GOLIM4: variants seen among roughly 807,000 people sequenced by gnomAD.
GOLIM4 encodes the protein golgi integral membrane protein 4.
GOLIM4 carries 71 observed loss-of-function variants against 107.4 expected under a neutral mutation model. That is an observed-to-expected ratio of 0.66 (90% confidence interval 0.55 to 0.81). GOLIM4 has a LOEUF of 0.81. GOLIM4 is among the 30% of genes least tolerant of loss of function. The pLI is 0.00. For synonymous variants in GOLIM4, 327 were observed against 294.8 expected (o/e 1.11, Z -1.12); for missense variants, 830 against 826.1 (o/e 1.00, Z -0.06).
chr3:168,029,904 G>C lies in GOLIM4; in HGVS notation c.1309C>G (p.Gln437Glu), dbSNP rs147523436. 1.9e-5 allele frequency: 31 copies of C among 1,614,030 alleles called. No homozygotes were observed. The African/African-American group carries it at 3.3e-4, about 17-fold the overall frequency. The change falls in exon 10 of 16, where the codon CAG (glutamine) becomes GAG (glutamate). Residue 437 changes from glutamine (Q) to glutamate (E), a missense_variant. By Grantham distance (29) the Gln-to-Glu change is conservative. Coordinates refer to ENST00000470487, the MANE Select transcript of GOLIM4 (RefSeq NM_014498.5). ...CGTAGTAAGTGCCCCTGCAGCCTCTGCTGGTGCAAAGCTTCCTGGTGTTCC... is the reference window on the plus strand; with the variant it reads ...CGTAGTAAGTGCCCCTGCAGCCTCTCCTGGTGCAAAGCTTCCTGGTGTTCC... ...LREHQEALHQ[Q>E]RLQGHLLRQQ... is the part of the protein sequence containing the mutation.
chr3:168,046,271 T>C (rs967678518), intron 3 of GOLIM4, among the ~76,000 whole-genome samples: 1 of 152,100 alleles, frequency 6.6e-6, no homozygotes, highest in Non-Finnish European at 1.5e-5. Flanking sequence ...CCAGTTAATT[T>C]GGACTTTAAA....
intron 1 of GOLIM4, among the ~76,000 whole-genome samples, chr3:168,087,308 A>T (rs1721678425): frequency 6.6e-6 from 1 of 152,186 alleles, no homozygotes; most frequent in Non-Finnish European, 1.5e-5. Flanking sequence ...CAATTATCAA[A>T]TTCTAGCTAT....
rs781554344 is a variant in GOLIM4 at position 168,037,011 on chromosome 3, C to A, written c.685-17G>T. ...AACTTGAGTCTGCATATAAATTGCA[C>A]AATTTGAGGAGGGAATCTATGAATG... On this transcript the variant is annotated splice_polypyrimidine_tract_variant and intron_variant, in intron 7 of 15. Coordinates refer to ENST00000470487, the MANE Select transcript of GOLIM4 (RefSeq NM_014498.5). 3.8e-6 allele frequency: 5 copies of A among 1,305,816 alleles called. No individual in the cohort carries two copies. Among genetic ancestry groups the A allele is most frequent in the Non-Finnish European group, 5.3e-6 (5 of 944,332 alleles). The allele number at this position is 1,305,816 out of a possible 1,614,324, so 80.9% of individuals were successfully genotyped here. A position where few individuals can be genotyped will look rare whatever the true frequency, so the allele number is the denominator to read the frequency against.
At chr3:168,085,168 G>C (rs764705948) in intron 1 of GOLIM4, among the ~76,000 whole-genome samples, 4 of 152,128 alleles carry the variant, frequency 2.6e-5, no homozygotes, top group Non-Finnish European at 4.4e-5. Context: ...AAATAATGTT[G>C]AAATTAAGAA....
chr3:168,044,718 T>C, intron 4 of GOLIM4, 110 bp downstream of exon 4: 1 of 670,718 alleles, frequency 1.5e-6, no homozygotes, highest in Non-Finnish European at 2.6e-6. Flanking sequence ...CATATTACAA[T>C]ACAAATCAAC....
At chr3:168,055,595 A>C (rs1332710827) in intron 1 of GOLIM4, among the ~76,000 whole-genome samples, 2 of 152,098 alleles carry the variant, frequency 1.3e-5, no homozygotes, top group Non-Finnish European at 2.9e-5. Flanking sequence ...TCAGGAGATC[A>C]AGACCATCCT....
intron 1 of GOLIM4, among the ~76,000 whole-genome samples, chr3:168,081,851 T>G (rs1362799571): frequency 6.6e-6 from 1 of 152,162 alleles, no homozygotes; most frequent in African/African-American, 2.4e-5. Flanking sequence ...GGAATGCAAT[T>G]TATTAAAAGC....
intron 1 of GOLIM4, among the ~76,000 whole-genome samples, chr3:168,071,954 T>C (rs1720853594): frequency 6.6e-6 from 1 of 152,108 alleles, no homozygotes; most frequent in African/African-American, 2.4e-5. Context: ...AAATACAACA[T>C]AGCACTTAAA....
chr3:168,063,688 T>G (rs922144093), intron 1 of GOLIM4, among the ~76,000 whole-genome samples: 1 of 130,828 alleles, frequency 7.6e-6, no homozygotes, highest in Non-Finnish European at 1.6e-5. Context: ...ATAAGAGTTA[T>G]CCTTTCTTCA....
chr3:168,011,196 C>T (rs1315529488), intron 14 of GOLIM4, among the ~76,000 whole-genome samples: 1 of 148,770 alleles, frequency 6.7e-6, no homozygotes. Context: ...GCACCATGCG[C>T]GAGCCAAAGC....
At chr3:168,088,727 C>T (rs918655367) in intron 1 of GOLIM4, among the ~76,000 whole-genome samples, 3 of 152,252 alleles carry the variant, frequency 2.0e-5, no homozygotes, top group Non-Finnish European at 4.4e-5. Flanking sequence ...TCTGGTTTCT[C>T]TCCAATCCTT....
At position 168,093,707 on chromosome 3, in the gene GOLIM4, A is replaced by T. The variant is rs368002818; in HGVS notation, c.187+1392T>A. Among the ~76,000 whole-genome samples, 3 of 152,222 alleles carry T rather than the reference A, an allele frequency of 2.0e-5. No homozygotes were observed. The South Asian group carries it at 6.2e-4, about 32-fold the overall frequency. ...AGTTTAAAGAAAATTTTGTGAACCT[A>T]AGAGCGTATCAAAACGGGTTTTACT... is the stretch of plus-strand genomic sequence containing the variant. On this transcript the variant is annotated intron_variant, in intron 1 of 15. Coordinates refer to ENST00000470487, the MANE Select transcript of GOLIM4 (RefSeq NM_014498.5).
intron 1 of GOLIM4, among the ~76,000 whole-genome samples, chr3:168,089,230 A>T (rs932856122): frequency 6.6e-6 from 1 of 152,234 alleles, no homozygotes; most frequent in Non-Finnish European, 1.5e-5. Flanking sequence ...CAAAAATGAT[A>T]GTCTCTTCAT....
chr3:168,070,722 A>G (rs1025105108), intron 1 of GOLIM4, among the ~76,000 whole-genome samples: 2 of 152,250 alleles, frequency 1.3e-5, no homozygotes, highest in African/African-American at 2.4e-5. Context: ...AACAAAAAAG[A>G]AAGAAATATT....
At chr3:168,071,242 A>G (rs1235694404) in intron 1 of GOLIM4, among the ~76,000 whole-genome samples, 10 of 152,240 alleles carry the variant, frequency 6.6e-5, no homozygotes, top group Admixed American at 2.0e-4. Flanking sequence ...TTTGCATTCA[A>G]GTTCCTTCTA....
At chr3:168,025,954 T>C (rs1717973453) in intron 12 of GOLIM4, among the ~76,000 whole-genome samples, 2 of 152,206 alleles carry the variant, frequency 1.3e-5, no homozygotes, top group African/African-American at 4.8e-5. Context: ...ATGCTTGTCA[T>C]GAGCTTCCCC....
Position 168,010,047 on chromosome 3 carries a change from TTTC to T in GOLIM4, c.*219_*221del. 2.6e-6 allele frequency: 1 copy of T among 383,468 alleles called. No homozygotes were observed. The highest frequency in any genetic ancestry group is 4.6e-6 in the Non-Finnish European group (1 of 219,680). 23.8% of individuals were successfully genotyped at this position (383,468 alleles called of 1,614,324 possible). A position where few individuals can be genotyped will look rare whatever the true frequency, so the allele number is the denominator to read the frequency against. ...GGGGGCTCAGGTTTACTTTATTGTT[TTTC>T]TTCTTTTTCATGTTTAGCTTGAATA... On this transcript the variant is annotated 3_prime_UTR_variant, in exon 16 of 16. Coordinates refer to ENST00000470487, the MANE Select transcript of GOLIM4 (RefSeq NM_014498.5).
At chr3:168,062,608 T>C (rs1720334783) in intron 1 of GOLIM4, among the ~76,000 whole-genome samples, 2 of 152,132 alleles carry the variant, frequency 1.3e-5, no homozygotes, top group African/African-American at 4.8e-5. Flanking sequence ...AAATGCTCTA[T>C]TTAAAATAAA....
At chr3:168,023,123 G>A (rs922119889) in intron 14 of GOLIM4, among the ~76,000 whole-genome samples, 1 of 152,088 alleles carries the variant, frequency 6.6e-6, no homozygotes, top group African/African-American at 2.4e-5. Context: ...TTAATCTTCT[G>A]AATTTTTAAA....
Sources: gnomAD v4.1 joint callset for allele counts (sites outside exome capture counted in the v4.1 genomes callset) on GRCh38, gnomAD v4.1.1 for gene constraint, MANE v1.5 for transcripts, NCBI Gene and HGNC (gene_info 2026-07-23, HGNC 2026-07-21) for gene names.